The following TMEFF2 variants were observed in gnomAD, a reference collection of about 807,000 sequenced individuals.
TMEFF2 encodes transmembrane protein with EGF like and two follistatin like domains 2, also known as tomoregulin-2.
In TMEFF2, 28 loss-of-function variants were observed where a neutral mutation model predicts 53.8. The observed-to-expected ratio is 0.52, with a 90% CI of 0.39 to 0.71. The LOEUF (loss-of-function observed/expected upper bound fraction) is 0.71. TMEFF2 is among the 30% of genes least tolerant of loss of function. The probability of loss-of-function intolerance (pLI) is 0.00; values close to 1 mark genes in which losing one functional copy is unlikely to be tolerated. For missense variants in TMEFF2, 353 were observed against 455.2 expected, an observed-to-expected ratio of 0.78 and a Z score of 2.04; for synonymous variants, 162 against 166.3, an observed-to-expected ratio of 0.97 and a Z score of 0.20.
chr2:192,189,124 C>A (rs991972777), intron 2 of TMEFF2, among the ~76,000 whole-genome samples: 3 of 152,070 alleles, frequency 2.0e-5, no homozygotes, highest in African/African-American at 7.2e-5. Flanking sequence ...TATTTAAAAT[C>A]GTCTAAGAGA....
chr2:192,065,693 A>G (rs1298074078), intron 4 of TMEFF2, among the ~76,000 whole-genome samples: 1 of 151,726 alleles, frequency 6.6e-6, no homozygotes, highest in African/African-American at 2.4e-5. Context: ...AGCATTTAAT[A>G]TATCTGTTGT....
intron 5 of TMEFF2, among the ~76,000 whole-genome samples, chr2:192,006,319 G>A (rs980925342): frequency 2.0e-5 from 3 of 152,102 alleles, no homozygotes; most frequent in Non-Finnish European, 4.4e-5. Context: ...AATAGACTAG[G>A]ACAACAAATA....
chr2:191,995,560 A>G (rs1574275274), intron 7 of TMEFF2, among the ~76,000 whole-genome samples: 2 of 152,146 alleles, frequency 1.3e-5, no homozygotes, highest in Non-Finnish European at 2.9e-5. Flanking sequence ...TTAAGAGGAC[A>G]ATGACACATA....
intron 8 of TMEFF2, among the ~76,000 whole-genome samples, chr2:191,955,530 T>TTTTTTTTTTTTG (rs1692052091): frequency 7.6e-6 from 1 of 131,686 alleles, no homozygotes; most frequent in Non-Finnish European, 1.6e-5. Flanking sequence ...CTTAATTTTT[T>TTTTTTTTTTTTG]TTTTTTTTTT....
At chr2:192,126,816 T>A (rs1297327244) in intron 4 of TMEFF2, among the ~76,000 whole-genome samples, 1 of 151,544 alleles carries the variant, frequency 6.6e-6, no homozygotes, top group Non-Finnish European at 1.5e-5. Flanking sequence ...TACGTGGAGT[T>A]GCCTTCTAAC....
chr2:192,015,336 A>G (rs1172938546), intron 5 of TMEFF2, among the ~76,000 whole-genome samples: 1 of 59,292 alleles, frequency 1.7e-5, no homozygotes, highest in Non-Finnish European at 3.1e-5. Context: ...TTTTTTTGCC[A>G]GTCTGGTAAT....
At chr2:191,990,679 T>C (rs1158485455) in intron 7 of TMEFF2, among the ~76,000 whole-genome samples, 1 of 151,838 alleles carries the variant, frequency 6.6e-6, no homozygotes, top group African/African-American at 2.4e-5. Context: ...ACATAGCTTT[T>C]TTCTCTTCGT....
intron 4 of TMEFF2, among the ~76,000 whole-genome samples, chr2:192,075,983 A>T (rs1271749627): frequency 6.6e-6 from 1 of 151,972 alleles, no homozygotes; most frequent in Non-Finnish European, 1.5e-5. Context: ...GAAAGAAGGA[A>T]GCAAAGAAGG....
intron 2 of TMEFF2, 115 bp downstream of exon 2, chr2:192,191,765 C>T: frequency 1.5e-6 from 1 of 681,202 alleles, no homozygotes; most frequent in Admixed American, 2.8e-5. Context: ...TGCTTGGTGC[C>T]AGCTTCCCTC....
intron 7 of TMEFF2, among the ~76,000 whole-genome samples, chr2:191,979,842 C>CTCTATCTATCTA (rs945433067): frequency 6.7e-4 from 99 of 147,344 alleles, no homozygotes; most frequent in African/African-American, 2.5e-3. Context: ...CTATATATAT[C>CTCTATCTATCTA]TCTATCTATC....
chr2:191,958,518 C>A (rs1195779485), intron 7 of TMEFF2, among the ~76,000 whole-genome samples: 1 of 152,178 alleles, frequency 6.6e-6, no homozygotes, highest in Non-Finnish European at 1.5e-5. Flanking sequence ...CTGTACCTCA[C>A]CCCATACTGA....
intron 4 of TMEFF2, among the ~76,000 whole-genome samples, chr2:192,061,833 A>C (rs545900193): frequency 6.6e-6 from 1 of 152,156 alleles, no homozygotes; most frequent in South Asian, 2.1e-4. Context: ...GGTTTGTTTA[A>C]GAGTCTGGAA....
intron 7 of TMEFF2, among the ~76,000 whole-genome samples, chr2:191,995,512 T>A (rs1199884966): frequency 6.6e-6 from 1 of 152,014 alleles, no homozygotes; most frequent in African/African-American, 2.4e-5. Flanking sequence ...AGTTCCTGTT[T>A]TCCCTCCTTG....
chr2:192,048,964 C>T lies in TMEFF2; in HGVS notation c.536+8715G>A, dbSNP rs75063918. On this transcript the variant is annotated intron_variant, in intron 5 of 9. Transcript: ENST00000272771. ...GTGAAAAACAAACAAATGAAAACTACACAGTCTTGAAGGGGACTACAAAGA... is the reference window on the plus strand; with the variant it reads ...GTGAAAAACAAACAAATGAAAACTATACAGTCTTGAAGGGGACTACAAAGA... 4.5e-3 allele frequency among the ~76,000 whole-genome samples: 679 copies of T among 152,242 alleles called. 5 individuals are homozygous for T. Among genetic ancestry groups the T allele is most frequent in the Non-Finnish European group, 4.8e-3 (329 of 68,012 alleles).
At chr2:192,110,178 A>G (rs547972542) in intron 4 of TMEFF2, among the ~76,000 whole-genome samples, 1 of 152,276 alleles carries the variant, frequency 6.6e-6, no homozygotes, top group Non-Finnish European at 1.5e-5. Context: ...AAGAAACAGA[A>G]GATTTTCAAG....
chr2:192,073,406 T>C (rs1214830595), intron 4 of TMEFF2, among the ~76,000 whole-genome samples: 2 of 151,908 alleles, frequency 1.3e-5, no homozygotes, highest in East Asian at 3.9e-4. Flanking sequence ...TCAGTTTTAG[T>C]GCAGCTGGGA....
intron 5 of TMEFF2, among the ~76,000 whole-genome samples, chr2:192,018,756 G>A (rs1686796417): frequency 6.6e-6 from 1 of 152,064 alleles, no homozygotes; most frequent in Non-Finnish European, 1.5e-5. Flanking sequence ...GTGAATTTGA[G>A]AATCTCATGT....
chr2:192,133,649 T>C (rs1689917866), intron 4 of TMEFF2, among the ~76,000 whole-genome samples: 1 of 152,198 alleles, frequency 6.6e-6, no homozygotes, highest in South Asian at 2.1e-4. Flanking sequence ...AATCCGTTAT[T>C]CTGTTCTGGA....
At chr2:192,142,954 C>G (rs1199022872) in intron 4 of TMEFF2, among the ~76,000 whole-genome samples, 1 of 152,136 alleles carries the variant, frequency 6.6e-6, no homozygotes, top group Admixed American at 6.5e-5. Flanking sequence ...TTGTGTTCCA[C>G]TAGCTGATTA....
Sources: allele counts gnomAD v4.1 joint callset (sites outside exome capture counted in the v4.1 genomes callset), GRCh38; gene constraint gnomAD v4.1.1; transcripts MANE v1.5; gene names NCBI Gene and HGNC (gene_info 2026-07-23, HGNC 2026-07-21).